GRIP1: variants seen among roughly 807,000 people sequenced by gnomAD.
GRIP1 encodes the protein glutamate receptor-interacting protein 1.
GRIP1 carries 45 observed loss-of-function variants against 129.9 expected under a neutral mutation model. That is an observed-to-expected ratio of 0.35 (90% CI 0.27 to 0.44). The LOEUF is 0.44. GRIP1 is among the 20% of genes least tolerant of loss of function. The probability of loss-of-function intolerance (pLI) is 1.00; values close to 1 mark genes in which losing one functional copy is unlikely to be tolerated. For synonymous variants in GRIP1, 530 were observed against 520.8 expected (o/e 1.02, Z -0.24); for missense variants, 1,196 against 1,396.8 (o/e 0.86, Z 2.29).
At chr12:66,706,714 C>T (rs1332204286) in intron 1 of GRIP1, among the ~76,000 whole-genome samples, 3 of 152,058 alleles carry the variant, frequency 2.0e-5, no homozygotes, top group Non-Finnish European at 4.4e-5. Context: ...ATGCCTTTTG[C>T]AGGGACAGGG....
In GRIP1 at chr12:66,456,384, GAACA is replaced by G. The variant is rs772193090; in HGVS notation, c.1043-46_1043-43del. ...ATGATGAAAAATAAGAAAAACAAAC[GAACA>G]AACAAAGAACCAAAAAAGAGGAAAA... On this transcript the variant is annotated intron_variant, in intron 9 of 24. Transcript: ENST00000359742. 2,077 of 1,179,024 alleles carry G rather than the reference GAACA, an allele frequency of 1.8e-3. 1 individual carries two copies. Among genetic ancestry groups the G allele is most frequent in the Non-Finnish European group, 2.1e-3 (1,901 of 894,136 alleles). 73.0% of individuals were successfully genotyped at this position (1,179,024 alleles called of 1,614,324 possible).
chr12:66,854,127 C>A (rs566780941), intron 1 of GRIP1, among the ~76,000 whole-genome samples: 1 of 151,926 alleles, frequency 6.6e-6, no homozygotes, highest in South Asian at 2.1e-4. Flanking sequence ...CAGTTTGCAC[C>A]TTTAATGTGC....
chr12:67,053,181 T>C (rs1049780307), intron 1 of GRIP1, among the ~76,000 whole-genome samples: 5 of 152,160 alleles, frequency 3.3e-5, no homozygotes, highest in East Asian at 1.9e-4. Flanking sequence ...AAGTATTTAA[T>C]GAATGCCTGA....
chr12:66,803,790 T>C (rs2038923395), intron 1 of GRIP1: 1 of 155,048 alleles, frequency 6.4e-6, no homozygotes, highest in Admixed American at 6.4e-5. Flanking sequence ...CTTTTTTGAA[T>C]GGCTTATTAA....
At chr12:66,815,354 T>C (rs1012827098) in intron 1 of GRIP1, among the ~76,000 whole-genome samples, 13 of 152,118 alleles carry the variant, frequency 8.5e-5, no homozygotes, top group African/African-American at 3.1e-4. Flanking sequence ...CAGAAAACTC[T>C]GCCTGATGAT....
chr12:66,745,864 G>C (rs971486393), intron 1 of GRIP1, among the ~76,000 whole-genome samples: 1 of 152,178 alleles, frequency 6.6e-6, no homozygotes, highest in African/African-American at 2.4e-5. Flanking sequence ...TGTAAGGTCA[G>C]AAGCGGCAAA....
At chr12:66,964,377 G>A (rs2041966626) in intron 1 of GRIP1, among the ~76,000 whole-genome samples, 1 of 152,088 alleles carries the variant, frequency 6.6e-6, no homozygotes, top group Non-Finnish European at 1.5e-5. Flanking sequence ...GATGTGTGAT[G>A]TGTGGGTGTG....
At chr12:66,604,161 A>C (rs2064403321) in intron 1 of GRIP1, among the ~76,000 whole-genome samples, 1 of 152,160 alleles carries the variant, frequency 6.6e-6, no homozygotes, top group South Asian at 2.1e-4. Flanking sequence ...CACAGGGACA[A>C]ACAGAACTGC....
chr12:66,518,200 C>A (rs2060901372), intron 5 of GRIP1, among the ~76,000 whole-genome samples: 2 of 151,972 alleles, frequency 1.3e-5, no homozygotes, highest in African/African-American at 4.8e-5. Context: ...ATGGCTGTAA[C>A]CAGGTAATAT....
intron 1 of GRIP1, among the ~76,000 whole-genome samples, chr12:66,823,966 G>T (rs1341115355): frequency 1.2e-4 from 19 of 152,156 alleles, no homozygotes; most frequent in Admixed American, 1.2e-3. Flanking sequence ...AGTGTAACCA[G>T]TTCTAACTCT....
At chr12:67,021,586 A>T (rs1290667018) in intron 1 of GRIP1, among the ~76,000 whole-genome samples, 1 of 152,200 alleles carries the variant, frequency 6.6e-6, no homozygotes, top group Non-Finnish European at 1.5e-5. Context: ...TATAATGATC[A>T]AATCAGAGCA....
At position 66,474,535 on chromosome 12, in the gene GRIP1, C is replaced by T. The variant is rs547827647; in HGVS notation, c.725-9113G>A. Among the ~76,000 whole-genome samples, 49 of 152,190 alleles carry T rather than the reference C, an allele frequency of 3.2e-4. 1 individual carries two copies. In the South Asian group the frequency reaches 0.01, roughly 32 times the overall value. On this transcript the variant is annotated intron_variant, in intron 7 of 24. Transcript: ENST00000359742. ...CCAAGACACATAATTGTCAGATTCA[C>T]CAGAGTTGAAATGAAGGAAAAAATG...
chr12:66,809,215 T>A (rs932057579), intron 1 of GRIP1, among the ~76,000 whole-genome samples: 11 of 152,218 alleles, frequency 7.2e-5, no homozygotes, highest in Non-Finnish European at 1.3e-4. Context: ...GGATTCTTCA[T>A]CCCCTTTTAG....
At chr12:66,624,222 A>G (rs1425218712) in intron 1 of GRIP1, among the ~76,000 whole-genome samples, 2 of 152,170 alleles carry the variant, frequency 1.3e-5, no homozygotes, top group Admixed American at 6.5e-5. Flanking sequence ...CTCTGTTTCC[A>G]TATGCATGTT....
rs1329431697 is a variant in GRIP1, at chr12:67,066,887, T to TA, written c.58+2162_58+2163insT. 7.8e-3 allele frequency among the ~76,000 whole-genome samples: 541 copies of TA among 68,974 alleles called. 1 individual carries two copies. Among genetic ancestry groups the TA allele is most frequent in the Admixed American group, 0.019 (84 of 4,384 alleles). 45.2% of individuals were successfully genotyped at this position (68,974 alleles called of 152,430 possible). A position where few individuals can be genotyped will look rare whatever the true frequency, so the allele number is the denominator to read the frequency against. On this transcript the variant is annotated intron_variant, in intron 1 of 1. Coordinates refer to the GRIP1 transcript ENST00000643019. ...ATAGGCAGCTCAGTTTAAATATATATTTATATATATATATATATATATATA... is the reference window on the plus strand; with the variant it reads ...ATAGGCAGCTCAGTTTAAATATATATATTATATATATATATATATATATATA...
chr12:66,823,165 T>C lies in GRIP1; in HGVS notation c.59-226238A>G, dbSNP rs138067712. 4.6e-3 allele frequency among the ~76,000 whole-genome samples: 696 copies of C among 152,312 alleles called. 6 individuals carry two copies. The highest frequency in any genetic ancestry group is 0.016 in the African/African-American group (665 of 41,570). On this transcript the variant is annotated intron_variant, in intron 1 of 1. Coordinates refer to the GRIP1 transcript ENST00000643019. ...TATAAAATGAGGGGATTGCACAATA[T>C]GATAGCTTATGTGTTTGGAAGCTCT...
chr12:67,028,372 G>T (rs1013287417), intron 1 of GRIP1, among the ~76,000 whole-genome samples: 1 of 152,164 alleles, frequency 6.6e-6, no homozygotes. Flanking sequence ...TGTTTGAATA[G>T]AACGACTTTT....
At chr12:66,525,574 A>C (rs1036883490) in intron 5 of GRIP1, among the ~76,000 whole-genome samples, 1 of 151,574 alleles carries the variant, frequency 6.6e-6, no homozygotes, top group African/African-American at 2.4e-5. Context: ...AGCCAATATC[A>C]TACTGAATGG....
chr12:66,592,467 C>T (rs1377003327), intron 2 of GRIP1, among the ~76,000 whole-genome samples: 1 of 152,124 alleles, frequency 6.6e-6, no homozygotes, highest in Non-Finnish European at 1.5e-5. Context: ...TGGCATTATT[C>T]TGGATACAGA....
Sources: gnomAD v4.1 joint callset for allele counts (sites outside exome capture counted in the v4.1 genomes callset) on GRCh38, gnomAD v4.1.1 for gene constraint, MANE v1.5 for transcripts, NCBI Gene and HGNC (gene_info 2026-07-23, HGNC 2026-07-21) for gene names.